The following ITPR3 variants were observed in gnomAD, a reference collection of about 807,000 sequenced individuals.
ITPR3 encodes inositol 1,4,5-trisphosphate receptor type 3.
Under a neutral mutation model 293.2 loss-of-function variants are expected in ITPR3, and 173 were observed. The ratio of observed to expected loss-of-function variants is 0.59; its 90% CI spans 0.52 to 0.67. ITPR3 has a LOEUF of 0.67. ITPR3 is among the 30% of genes least tolerant of loss of function. The pLI is 0.00. For missense variants in ITPR3, 2,796 were observed against 3,592.1 expected (o/e 0.78, Z 5.66); for synonymous variants, 1,295 against 1,444.4 (o/e 0.90, Z 2.35).
At chr6:33,657,473 T>G (rs1582125050) in intron 3 of ITPR3, among the ~76,000 whole-genome samples, 4 of 119,952 alleles carry the variant, frequency 3.3e-5, no homozygotes, top group Admixed American at 8.8e-5. Context: ...GGAGTGGGGG[T>G]GGTGGTGGGA....
At chr6:33,639,553 G>C (rs763980819) in intron 1 of ITPR3, among the ~76,000 whole-genome samples, 19 of 152,182 alleles carry the variant, frequency 1.2e-4, no homozygotes, top group Non-Finnish European at 1.2e-4. Flanking sequence ...TGGCAAGTTG[G>C]TGAGAATTCA....
intron 50 of ITPR3, 81 bp from the exon 51 acceptor site, chr6:33,689,953 G>A: frequency 6.5e-7 from 1 of 1,534,408 alleles, no homozygotes; most frequent in South Asian, 1.2e-5. Context: ...CCCAGGCTCT[G>A]AGCTGGGCAC....
intron 2 of ITPR3, among the ~76,000 whole-genome samples, chr6:33,649,819 A>G (rs1764147646): frequency 6.6e-6 from 1 of 152,018 alleles, no homozygotes; most frequent in Admixed American, 6.5e-5. Flanking sequence ...CCTAGACCTC[A>G]CCCGAGACCT....
At chr6:33,676,408 G>A (rs1286257925) in intron 25 of ITPR3, among the ~76,000 whole-genome samples, 2 of 152,208 alleles carry the variant, frequency 1.3e-5, no homozygotes, top group Non-Finnish European at 2.9e-5. Context: ...GCAGTCAGAC[G>A]CAGGCCTGGG....
In ITPR3 at chr6:33,666,001, G is replaced by A. The variant is rs138898315; in HGVS notation, c.1551+25G>A. The A allele has an allele frequency of 1.1e-4, 180 of 1,569,538 alleles. No individual in the cohort carries two copies. The African/African-American group carries it at 1.7e-3, about 15-fold the overall frequency. On this transcript the variant is annotated intron_variant, in intron 14 of 57. Coordinates refer to ENST00000605930, the MANE Select transcript of ITPR3 (RefSeq NM_002224.4). The surrounding 1 kb of genome is among the most constrained non-coding windows in gnomAD (Gnocchi z 5.1). Reference sequence around the variant, plus strand: ...GGTGCGTGTGCACCCATGAGGGGACGCAGAGGGGCCGGGTGCCCGGGAGAG... The same window carrying A: ...GGTGCGTGTGCACCCATGAGGGGACACAGAGGGGCCGGGTGCCCGGGAGAG...
intron 57 of ITPR3, 93 bp from the exon 58 acceptor site, chr6:33,695,619 A>G: frequency 7.8e-7 from 1 of 1,283,812 alleles, no homozygotes; most frequent in South Asian, 1.2e-5. Context: ...CTGGGCCCAC[A>G]GGGGAAGACG....
chr6:33,637,988 G>GT (rs1265762774), intron 1 of ITPR3, among the ~76,000 whole-genome samples: 2 of 150,978 alleles, frequency 1.3e-5, no homozygotes, highest in African/African-American at 4.9e-5. Flanking sequence ...ACCTAGGCAC[G>GT]TTTTTTGTTT....
Position 33,686,451 on chromosome 6 carries a change from A to T in ITPR3, c.5911A>T (p.Thr1971Ser). 1 of 1,614,170 alleles carries T rather than the reference A, an allele frequency of 6.2e-7. No individual in the cohort carries two copies. The highest frequency in any genetic ancestry group is 8.5e-7 in the Non-Finnish European group (1 of 1,180,020). ...THESNGIDII[T>S]ALILNDISPL... is the part of the protein sequence containing the mutation. Reference sequence around the variant, plus strand: ...CGAGTCCAATGGCATAGACATCATCACCGCACTGATCCTCAATGACATCAG... The same window carrying T: ...CGAGTCCAATGGCATAGACATCATCTCCGCACTGATCCTCAATGACATCAG... Residue 1971 changes from threonine (T) to serine (S), a missense_variant, in exon 43 of 58, where the codon ACC becomes TCC. Thr to Ser is a moderately conservative substitution (Grantham distance 58, BLOSUM62 1). This residue lies in a region of ITPR3 where 704 missense variants were observed against 797.5 expected (regional missense o/e 0.88). Transcript: ENST00000605930.
intron 56 of ITPR3, chr6:33,694,174 A>C (rs1765473109): frequency 6.2e-6 from 1 of 161,666 alleles, no homozygotes; most frequent in East Asian, 1.8e-4. Flanking sequence ...AGTCTGAATT[A>C]GATGATCCTG....
Position 33,690,051 on chromosome 6 carries a change from G to A in ITPR3, c.6885G>A (p.Val2295=), listed in dbSNP as rs780002087. The A allele has an allele frequency of 3.1e-6, 5 of 1,614,222 alleles. No homozygotes were observed. In the South Asian group the frequency reaches 5.5e-5, roughly 18 times the overall value. Residue 2295 remains valine (V), a synonymous_variant, in exon 51 of 58, where the codon GTG becomes GTA. Coordinates refer to ENST00000605930, the MANE Select transcript of ITPR3 (RefSeq NM_002224.4). ...GCCCCCAGCTGACCAACAAGATCGT[G>A]TTTGTGGTGAGCTTCGTGGGCAACC... ...LGALNLTNKI[V]FVVSFVGNRG... is the part of the protein sequence containing the mutation.
chr6:33,678,639 C>T lies in ITPR3; in HGVS notation c.3772C>T (p.Leu1258Phe). 1 of 1,611,652 alleles carries T rather than the reference C, an allele frequency of 6.2e-7. No individual in the cohort carries two copies. Among genetic ancestry groups the T allele is most frequent in the Admixed American group, 1.7e-5 (1 of 59,924 alleles). Reference protein sequence around the residue: ...KHLHLFLTPGLLEAETMQHIF... With the variant: ...KHLHLFLTPGFLEAETMQHIF... Reference sequence around the variant, plus strand: ...TTCTGACAGATGCCCCCCACTGCAGCTCCTGGAGGCAGAGACCATGCAGCA... The same window carrying T: ...TTCTGACAGATGCCCCCCACTGCAGTTCCTGGAGGCAGAGACCATGCAGCA... The change falls in exon 30 of 58, where the codon CTC becomes TTC. Residue 1258 changes from leucine (L) to phenylalanine (F), a missense_variant and splice_region_variant. Leu to Phe is a conservative substitution (Grantham distance 22). Around this residue, in one of 8 missense-constraint regions of ITPR3, gnomAD observed 344 missense variants for 460.3 expected, o/e 0.75. Transcript: ENST00000605930.
Position 33,672,374 on chromosome 6 carries a change from G to A in ITPR3, c.2928+146G>A, listed in dbSNP as rs1582143788. ...ATCGTGACTGGCTGTCAGGCCCAGC[G>A]GTTCCCACAGTGTGGTTCTTGGGCC... On this transcript the variant is annotated intron_variant, in intron 22 of 57. Coordinates refer to ENST00000605930, the MANE Select transcript of ITPR3 (RefSeq NM_002224.4). The surrounding 1 kb of genome is among the most constrained non-coding windows in gnomAD (Gnocchi z 5.0). 3 of 708,212 alleles carry A rather than the reference G, an allele frequency of 4.2e-6. No homozygotes were observed. The highest frequency in any genetic ancestry group is 6.9e-6 in the Non-Finnish European group (3 of 434,176). 43.9% of individuals were successfully genotyped at this position (708,212 alleles called of 1,614,324 possible).
At chr6:33,661,280 G>A (rs1474643295) in intron 7 of ITPR3, among the ~76,000 whole-genome samples, 3 of 152,244 alleles carry the variant, frequency 2.0e-5, no homozygotes, top group Admixed American at 6.5e-5. Context: ...AGTGCCATTA[G>A]TGATGATAGC....
At position 33,689,030 on chromosome 6, in the gene ITPR3, A is replaced by G. The variant is rs1765317958; in HGVS notation, c.6695-208A>G. On this transcript the variant is annotated intron_variant, in intron 49 of 57. Transcript: ENST00000605930. ...GCACGTGCACACGCATAGATGTGTC[A>G]GCCAGAAACAAAACCTGGTAGCCGC... 2.0e-5 allele frequency among the ~76,000 whole-genome samples: 3 copies of G among 152,350 alleles called. No individual in the cohort carries two copies. The South Asian group carries it at 6.2e-4, about 32-fold the overall frequency.
At position 33,676,838 on chromosome 6, in the gene ITPR3, G is replaced by A. The variant is rs1256888613; in HGVS notation, c.3353G>A (p.Arg1118Gln). The stretch of plus-strand genomic sequence containing the variant: ...ATCAAGTCGGAGCTGGACCGGCTGC[G>A]GACCATGGTGGAGAAGTCAGAGCTG... ...KVIKSELDRLRTMVEKSELWV... is the reference protein window; with the variant it reads ...KVIKSELDRLQTMVEKSELWV... Residue 1118 changes from arginine to glutamine, a missense_variant, in exon 26 of 58, where the codon CGG becomes CAG. Physicochemically the swap from Arg to Gln is conservative, Grantham distance 43. Around this residue, in one of 8 missense-constraint regions of ITPR3, gnomAD observed 955 missense variants for 1,180.8 expected, o/e 0.81. Coordinates refer to ENST00000605930, the MANE Select transcript of ITPR3 (RefSeq NM_002224.4). 6 of 1,614,116 alleles carry A rather than the reference G, an allele frequency of 3.7e-6. No individual in the cohort carries two copies. Among genetic ancestry groups the A allele is most frequent in the Non-Finnish European group, 4.2e-6 (5 of 1,179,984 alleles).
At chr6:33,663,671 G>T in intron 10 of ITPR3, 67 bp from the exon 11 acceptor site, 1 of 1,608,582 alleles carries the variant, frequency 6.2e-7, no homozygotes, top group South Asian at 1.1e-5. Context: ...TCTCAGGTGG[G>T]ATCCCAGGTG....
chr6:33,650,743 T>G (rs1764167100), intron 2 of ITPR3, among the ~76,000 whole-genome samples: 1 of 152,172 alleles, frequency 6.6e-6, no homozygotes, highest in Non-Finnish European at 1.5e-5. Flanking sequence ...CTTTTTTCAG[T>G]CTGCTATGTC....
chr6:33,676,831 C>G lies in ITPR3; in HGVS notation c.3346C>G (p.Arg1116Gly), dbSNP rs748494324. ...CAAGGTGATCAAGTCGGAGCTGGACCGGCTGCGGACCATGGTGGAGAAGTC... is the reference window on the plus strand; with the variant it reads ...CAAGGTGATCAAGTCGGAGCTGGACGGGCTGCGGACCATGGTGGAGAAGTC... ...NYKVIKSELD[R>G]LRTMVEKSEL... Residue 1116 changes from arginine to glycine, a missense_variant, in exon 26 of 58, where the codon CGG becomes GGG. This residue lies in a region of ITPR3 where 955 missense variants were observed against 1,180.8 expected (regional missense o/e 0.81). Coordinates refer to ENST00000605930, the MANE Select transcript of ITPR3 (RefSeq NM_002224.4). The G allele has an allele frequency of 6.2e-7, 1 of 1,614,134 alleles. No homozygotes were observed. Among genetic ancestry groups the G allele is most frequent in the South Asian group, 1.1e-5 (1 of 91,078 alleles).
chr6:33,651,828 G>A (rs988145858), intron 2 of ITPR3, among the ~76,000 whole-genome samples: 1 of 152,216 alleles, frequency 6.6e-6, no homozygotes, highest in African/African-American at 2.4e-5. Flanking sequence ...TGTCGGACCT[G>A]GAGCCTGGTA....
Sources: allele counts gnomAD v4.1 joint callset (sites outside exome capture counted in the v4.1 genomes callset), GRCh38; gene constraint gnomAD v4.1.1; regional missense constraint gnomAD v4.1.1; non-coding constraint Gnocchi (gnomAD v3.1); transcripts MANE v1.5; gene names NCBI Gene and HGNC (gene_info 2026-07-23, HGNC 2026-07-21).